The following LRCH1 variants were observed in gnomAD, a reference collection of about 807,000 sequenced individuals.
LRCH1 encodes leucine rich repeats and calponin homology domain containing 1, also known as leucine-rich repeat and calponin homology domain-containing protein 1.
LRCH1 carries 23 observed loss-of-function variants against 94.9 expected under a neutral mutation model. The ratio of observed to expected loss-of-function variants is 0.24; its 90% CI spans 0.17 to 0.34. LRCH1 has a LOEUF of 0.34. Ranked by LOEUF, LRCH1 falls within the 10% of genes least tolerant of loss-of-function variation. The pLI, the probability that LRCH1 is intolerant of heterozygous loss-of-function variation, is 1.00. For missense variants in LRCH1, 790 were observed against 945.9 expected, an observed-to-expected ratio of 0.84 and a Z score of 2.16; for synonymous variants, 364 against 354.9, an observed-to-expected ratio of 1.03 and a Z score of -0.29.
chr13:46,741,634 C>A lies in LRCH1; in HGVS notation c.2086-8C>A. The A allele has an allele frequency of 6.2e-7, 1 of 1,614,052 alleles. No individual in the cohort carries two copies. Among genetic ancestry groups the A allele is most frequent in the East Asian group, 2.2e-5 (1 of 44,876 alleles). Reference sequence around the variant, plus strand: ...CTCTTTCTGTTCTAATGGCTGCCCTCGGAATAGGCTGACCTCTGCTCTCCG... The same window carrying A: ...CTCTTTCTGTTCTAATGGCTGCCCTAGGAATAGGCTGACCTCTGCTCTCCG... On this transcript the variant is annotated splice_region_variant and splice_polypyrimidine_tract_variant and intron_variant, in intron 19 of 19. Coordinates refer to ENST00000389797, the MANE Select transcript of LRCH1 (RefSeq NM_001164211.2).
chr13:46,675,868 A>G (rs1404445733), intron 3 of LRCH1, among the ~76,000 whole-genome samples: 1 of 152,152 alleles, frequency 6.6e-6, no homozygotes, highest in Non-Finnish European at 1.5e-5. Flanking sequence ...ACTTAGGAGA[A>G]CTGTGCAACA....
chr13:46,742,448 A>G lies in LRCH1; in HGVS notation c.*600A>G, dbSNP rs1593390485. 4.1e-6 allele frequency: 4 copies of G among 986,966 alleles called. 1 individual carries two copies. In the African/African-American group the frequency reaches 7.0e-5, roughly 17 times the overall value. 61.1% of individuals were successfully genotyped at this position (986,966 alleles called of 1,614,324 possible). ...GATTGGATTCCTCCCAAATTTCCTA[A>G]AAAGGGAGCCGCGAAGGGCGCTGGG... is the stretch of plus-strand genomic sequence containing the variant. On this transcript the variant is annotated 3_prime_UTR_variant, in exon 20 of 20. Coordinates refer to ENST00000389797, the MANE Select transcript of LRCH1 (RefSeq NM_001164211.2).
chr13:46,684,886 G>A (rs964115938), intron 4 of LRCH1, among the ~76,000 whole-genome samples: 3 of 152,184 alleles, frequency 2.0e-5, no homozygotes, highest in South Asian at 2.1e-4. Context: ...TTTTCCTGCT[G>A]GAATTTGACA....
intron 1 of LRCH1, among the ~76,000 whole-genome samples, chr13:46,646,922 G>A (rs1402578800): frequency 6.6e-6 from 1 of 152,036 alleles, no homozygotes; most frequent in African/African-American, 2.4e-5. Context: ...AGACCAGCCT[G>A]GCCCACATGG....
At chr13:46,563,997 G>A (rs781168853) in intron 1 of LRCH1, among the ~76,000 whole-genome samples, 6 of 152,124 alleles carry the variant, frequency 3.9e-5, no homozygotes, top group African/African-American at 9.7e-5. Context: ...CAGCCAGGTT[G>A]TGGGCCTCCC....
chr13:46,569,249 G>A (rs1367929490), intron 1 of LRCH1, among the ~76,000 whole-genome samples: 1 of 152,184 alleles, frequency 6.6e-6, no homozygotes, highest in African/African-American at 2.4e-5. Context: ...GAAAGCATTT[G>A]TTGCGCACCT....
chr13:46,728,314 C>G (rs1872930312), intron 17 of LRCH1, among the ~76,000 whole-genome samples: 1 of 152,110 alleles, frequency 6.6e-6, no homozygotes, highest in South Asian at 2.1e-4. Context: ...CTCCTGGGTT[C>G]AAGTGATTCT....
chr13:46,641,122 T>A (rs1429972046), intron 1 of LRCH1, among the ~76,000 whole-genome samples: 2 of 152,052 alleles, frequency 1.3e-5, no homozygotes, highest in Non-Finnish European at 1.5e-5. Context: ...TGCTGAGTTA[T>A]GGGCTGGGTG....
intron 1 of LRCH1, among the ~76,000 whole-genome samples, chr13:46,635,145 C>A (rs1392746204): frequency 2.0e-5 from 3 of 152,148 alleles, no homozygotes; most frequent in African/African-American, 7.2e-5. Context: ...ATCCCAGAGG[C>A]CTTACTTTCA....
chr13:46,726,168 ACTT>A (rs970324915), intron 17 of LRCH1, among the ~76,000 whole-genome samples: 12 of 152,178 alleles, frequency 7.9e-5, no homozygotes, highest in Admixed American at 2.0e-4. Context: ...CGATTTCTCT[ACTT>A]CTGCTTCCAA....
intron 16 of LRCH1, among the ~76,000 whole-genome samples, chr13:46,718,208 T>G (rs1206752083): frequency 6.6e-6 from 1 of 152,262 alleles, no homozygotes; most frequent in African/African-American, 2.4e-5. Context: ...TTATACTTAT[T>G]GAAAATTAAT....
rs35848521 is a variant in LRCH1, at chr13:46,567,492, T to TTGTGTGTGTGTGTGTGTGTG, written c.307+13805_307+13824dup. 8.1e-3 allele frequency among the ~76,000 whole-genome samples: 1,145 copies of TTGTGTGTGTGTGTGTGTGTG among 141,898 alleles called. 25 individuals carry two copies. The highest frequency in any genetic ancestry group is 0.03 in the African/African-American group (1,092 of 37,014). The allele number at this position is 141,898 out of a possible 152,430, so 93.1% of individuals were successfully genotyped here. A position where few individuals can be genotyped will look rare whatever the true frequency, so the allele number is the denominator to read the frequency against. ...TCTCTGCATGCAATTTAAGGCAATT[T>TTGTGTGTGTGTGTGTGTGTG]TGTGTGTGTGTGTGTGTGTGTGTGT... On this transcript the variant is annotated intron_variant, in intron 1 of 19. Coordinates refer to ENST00000389797, the MANE Select transcript of LRCH1 (RefSeq NM_001164211.2).
At chr13:46,585,161 T>A (rs7328294) in intron 1 of LRCH1, among the ~76,000 whole-genome samples, 118,748 of 152,204 alleles carry the variant, frequency 0.78, 46,497 homozygotes, top group East Asian at 0.91. Flanking sequence ...TTAGTAAGGC[T>A]TTAGAAATGA....
intron 2 of LRCH1, among the ~76,000 whole-genome samples, chr13:46,668,570 G>A (rs1016657504): frequency 6.6e-6 from 1 of 152,190 alleles, no homozygotes; most frequent in Non-Finnish European, 1.5e-5. Context: ...ATGAAATGAT[G>A]CCTGTGTGGT....
chr13:46,723,475 T>A, intron 17 of LRCH1, 145 bp downstream of exon 17: 5 of 649,308 alleles, frequency 7.7e-6, no homozygotes, highest in Non-Finnish European at 1.3e-5. Context: ...GCAAGCCACT[T>A]AACAACCCTG....
chr13:46,621,136 T>G (rs1334345913), intron 1 of LRCH1, among the ~76,000 whole-genome samples: 4 of 152,256 alleles, frequency 2.6e-5, no homozygotes, highest in Non-Finnish European at 4.4e-5. Flanking sequence ...TCTCTTACTC[T>G]CTAACATGCG....
chr13:46,669,625 C>T (rs1022435473), intron 3 of LRCH1, among the ~76,000 whole-genome samples: 21 of 152,052 alleles, frequency 1.4e-4, no homozygotes, highest in African/African-American at 4.4e-4. Context: ...AAAATGTGAC[C>T]GTGTCCCTAG....
At chr13:46,624,621 G>A (rs1168188621) in intron 1 of LRCH1, among the ~76,000 whole-genome samples, 12 of 152,202 alleles carry the variant, frequency 7.9e-5, no homozygotes, top group Non-Finnish European at 1.6e-4. Context: ...AGCATGGAGG[G>A]TTTTCGTTAT....
At chr13:46,600,209 A>G (rs2137980498) in intron 1 of LRCH1, among the ~76,000 whole-genome samples, 1 of 152,292 alleles carries the variant, frequency 6.6e-6, no homozygotes, top group Admixed American at 6.5e-5. Flanking sequence ...ATAGTAACAT[A>G]AACATTTTTA....
Sources: gnomAD v4.1 joint callset for allele counts (sites outside exome capture counted in the v4.1 genomes callset) on GRCh38, gnomAD v4.1.1 for gene constraint, MANE v1.5 for transcripts, NCBI Gene and HGNC (gene_info 2026-07-23, HGNC 2026-07-21) for gene names.